Variants in PDE4B observed in about 807,000 individuals in gnomAD.
PDE4B encodes 3',5'-cyclic-AMP phosphodiesterase 4B.
PDE4B carries 20 observed loss-of-function variants against 82.2 expected under a neutral mutation model. The observed-to-expected ratio is 0.24, with a 90% CI of 0.17 to 0.35. PDE4B has a LOEUF of 0.35. PDE4B is among the 10% of genes least tolerant of loss of function. The probability of loss-of-function intolerance (pLI) is 1.00; values close to 1 mark genes in which losing one functional copy is unlikely to be tolerated. For missense variants in PDE4B, 655 were observed against 907.2 expected, an observed-to-expected ratio of 0.72 and a Z score of 3.57; for synonymous variants, 320 against 318.9, an observed-to-expected ratio of 1.00 and a Z score of -0.04.
chr1:66,023,090 T>C (rs1392365357), intron 3 of PDE4B, among the ~76,000 whole-genome samples: 1 of 152,140 alleles, frequency 6.6e-6, no homozygotes, highest in Non-Finnish European at 1.5e-5. Context: ...GTTGGTACCT[T>C]GGAGAGCTCC....
At chr1:65,898,017 G>A (rs916925593) in intron 1 of PDE4B, among the ~76,000 whole-genome samples, 1 of 151,786 alleles carries the variant, frequency 6.6e-6, no homozygotes, top group Admixed American at 6.6e-5. Flanking sequence ...TGACTTTTAA[G>A]TAATAGCTAT....
At chr1:66,014,489 A>T (rs377507203) in intron 3 of PDE4B, among the ~76,000 whole-genome samples, 1 of 152,050 alleles carries the variant, frequency 6.6e-6, no homozygotes, top group Non-Finnish European at 1.5e-5. Context: ...TTAGAGTCCA[A>T]CTGCTTTCTT....
chr1:66,204,659 A>G (rs1385798643), intron 3 of PDE4B, among the ~76,000 whole-genome samples: 1 of 152,242 alleles, frequency 6.6e-6, no homozygotes, highest in East Asian at 1.9e-4. Flanking sequence ...TGTGCAGGAT[A>G]TAATCTCCTG....
Position 66,257,634 on chromosome 1 carries a change from C to G in PDE4B, c.477-13C>G, listed in dbSNP as rs368045418. ...GTAAATTTCTAAAGGTTCTTTTTTTCTCTTTTCACCAGACACGGCGATGAC... is the reference window on the plus strand; with the variant it reads ...GTAAATTTCTAAAGGTTCTTTTTTTGTCTTTTCACCAGACACGGCGATGAC... On this transcript the variant is annotated splice_polypyrimidine_tract_variant and intron_variant, in intron 4 of 16. Transcript: ENST00000341517. 1 of 1,610,906 alleles carries G rather than the reference C, an allele frequency of 6.2e-7. No individual in the cohort carries two copies. Among genetic ancestry groups the G allele is most frequent in the Admixed American group, 1.7e-5 (1 of 59,746 alleles).
intron 3 of PDE4B, among the ~76,000 whole-genome samples, chr1:66,052,085 C>G (rs964798342): frequency 6.6e-5 from 10 of 152,118 alleles, no homozygotes; most frequent in Non-Finnish European, 1.2e-4. Context: ...GTTGTTGAGT[C>G]CAACAAGACA....
chr1:66,223,209 G>T (rs575222525), intron 3 of PDE4B, among the ~76,000 whole-genome samples: 5 of 152,132 alleles, frequency 3.3e-5, no homozygotes, highest in South Asian at 2.1e-4. Context: ...GATGCATGTG[G>T]TGAAGAAAAA....
chr1:65,819,713 A>G (rs1645931065), intron 1 of PDE4B, among the ~76,000 whole-genome samples: 1 of 151,690 alleles, frequency 6.6e-6, no homozygotes, highest in African/African-American at 2.4e-5. Context: ...GTTAGCCAGG[A>G]TGGTCTCGAT....
At chr1:66,094,636 G>A (rs954649551) in intron 3 of PDE4B, 5 of 151,942 alleles carry the variant, frequency 3.3e-5, no homozygotes, top group African/African-American at 9.7e-5. Context: ...GACACAAACT[G>A]GGTTAATTTC....
chr1:65,812,014 T>C (rs1645827066), intron 1 of PDE4B, among the ~76,000 whole-genome samples: 1 of 152,072 alleles, frequency 6.6e-6, no homozygotes, highest in South Asian at 2.1e-4. Flanking sequence ...AATTAACATA[T>C]TGTAGTACTG....
chr1:66,242,870 A>G (rs1652993108), intron 3 of PDE4B, among the ~76,000 whole-genome samples: 1 of 152,218 alleles, frequency 6.6e-6, no homozygotes. Context: ...GTCTGCTGCC[A>G]TCTGCTGGCT....
chr1:65,924,897 A>G (rs1647416765), intron 3 of PDE4B, among the ~76,000 whole-genome samples: 1 of 152,256 alleles, frequency 6.6e-6, no homozygotes, highest in Non-Finnish European at 1.5e-5. Context: ...TGAGCAAGAC[A>G]GAGGTCAAAG....
At chr1:65,920,192 C>CA (rs1451316121) in intron 3 of PDE4B, among the ~76,000 whole-genome samples, 6 of 152,178 alleles carry the variant, frequency 3.9e-5, no homozygotes, top group Non-Finnish European at 7.3e-5. Context: ...GGCAGTGATA[C>CA]AATTCTATCA....
intron 3 of PDE4B, among the ~76,000 whole-genome samples, chr1:66,162,900 T>G (rs1212885119): frequency 2.0e-5 from 3 of 152,200 alleles, no homozygotes; most frequent in African/African-American, 7.2e-5. Context: ...AATTGTGTTT[T>G]TGACTGTAAG....
At chr1:66,002,718 G>T (rs1651931001) in intron 3 of PDE4B, among the ~76,000 whole-genome samples, 3 of 152,094 alleles carry the variant, frequency 2.0e-5, no homozygotes, top group Admixed American at 2.0e-4. Context: ...TTCATCTGGA[G>T]TTGAGAATGC....
At chr1:65,965,344 G>A (rs966245683) in intron 3 of PDE4B, among the ~76,000 whole-genome samples, 1 of 152,020 alleles carries the variant, frequency 6.6e-6, no homozygotes, top group East Asian at 1.9e-4. Context: ...TGAAATTGGT[G>A]CAGGATCCTA....
chr1:65,804,215 T>A (rs1332308987), intron 1 of PDE4B, among the ~76,000 whole-genome samples: 2 of 152,228 alleles, frequency 1.3e-5, no homozygotes, highest in Non-Finnish European at 2.9e-5. Context: ...GAAATTGTCA[T>A]GTGAAAAGTG....
chr1:66,039,023 G>T (rs1459863269), intron 3 of PDE4B, among the ~76,000 whole-genome samples: 1 of 151,950 alleles, frequency 6.6e-6, no homozygotes, highest in Non-Finnish European at 1.5e-5. Flanking sequence ...GAATCCCACA[G>T]AATTTGATTT....
chr1:66,286,834 C>G (rs767140010), intron 7 of PDE4B, among the ~76,000 whole-genome samples: 13 of 152,086 alleles, frequency 8.5e-5, no homozygotes, highest in Middle Eastern at 3.4e-3. Context: ...TTCTGAATAC[C>G]CTTTAATATT....
intron 3 of PDE4B, among the ~76,000 whole-genome samples, chr1:66,069,962 T>A (rs1422348587): frequency 6.6e-6 from 1 of 152,048 alleles, no homozygotes; most frequent in Non-Finnish European, 1.5e-5. Context: ...TCCTTATATT[T>A]ACATGTATGT....
Sources: allele counts gnomAD v4.1 joint callset (sites outside exome capture counted in the v4.1 genomes callset), GRCh38; gene constraint gnomAD v4.1.1; transcripts MANE v1.5; gene names NCBI Gene and HGNC (gene_info 2026-07-23, HGNC 2026-07-21).